Variants in ANO1 observed in about 807,000 individuals in gnomAD.
ANO1 encodes anoctamin-1.
In ANO1, 59 loss-of-function variants were observed where a neutral mutation model predicts 124.0. The observed-to-expected ratio is 0.48, with a 90% CI of 0.39 to 0.59. ANO1 has a LOEUF of 0.59. Among genes scored for constraint, ANO1 ranks in the 20% least tolerant of loss-of-function variants. The probability of loss-of-function intolerance (pLI) is 0.00; values close to 1 mark genes in which losing one functional copy is unlikely to be tolerated. For missense variants in ANO1, 1,059 were observed against 1,328.0 expected (o/e 0.80, Z 3.15); for synonymous variants, 529 against 532.0 (o/e 0.99, Z 0.08).
the ANO1 span, among the ~76,000 whole-genome samples, chr11:69,968,481 G>A: frequency 6.6e-6 from 1 of 152,250 alleles, no homozygotes; most frequent in African/African-American, 2.4e-5. Flanking sequence ...GTGTCGGAGA[G>A]TCAAGACAGA....
intron 1 of ANO1, among the ~76,000 whole-genome samples, chr11:70,038,297 T>C (rs945762205): frequency 1.3e-5 from 2 of 152,190 alleles, no homozygotes; most frequent in South Asian, 2.1e-4. Context: ...CTCTTTCCCC[T>C]TTGCCTATTT....
In ANO1 at chr11:70,126,088, G is replaced by C. The variant is rs760485998; in HGVS notation, c.990G>C (p.Leu330=). Residue 330 remains leucine (L), a synonymous_variant, in exon 10 of 26, where the codon CTG becomes CTC. Transcript: ENST00000355303. ...AGTATTTTGGGGAGAAGATCGGCCT[G>C]TACTTCGCCTGGCTGGGCGTGTACA... ...VRKYFGEKIG[L]YFAWLGVYTQ... is the part of the protein sequence containing the mutation. 6.2e-7 allele frequency: 1 copy of C among 1,612,336 alleles called. No homozygotes were observed. The highest frequency in any genetic ancestry group is 8.5e-7 in the Non-Finnish European group (1 of 1,179,136).
chr11:69,991,529 A>C (rs1159020033), intron 1 of ANO1, among the ~76,000 whole-genome samples: 1 of 152,244 alleles, frequency 6.6e-6, no homozygotes, highest in Non-Finnish European at 1.5e-5. Context: ...TGCCACCTGC[A>C]GTGATGGGCA....
chr11:70,022,561 A>T (rs1176591524), intron 1 of ANO1, among the ~76,000 whole-genome samples: 1 of 151,848 alleles, frequency 6.6e-6, no homozygotes, highest in Non-Finnish European at 1.5e-5. Context: ...AGCCGAGATC[A>T]TGCCACTGTA....
chr11:70,134,604 A>C (rs980353737), intron 11 of ANO1, among the ~76,000 whole-genome samples: 2 of 152,118 alleles, frequency 1.3e-5, no homozygotes, highest in Admixed American at 6.6e-5. Context: ...GAAAACCTAT[A>C]CGAGAGTGTG....
At chr11:70,085,312 C>G in intron 1 of ANO1, 2 of 1,370,728 alleles carry the variant, frequency 1.5e-6, no homozygotes, top group Non-Finnish European at 1.9e-6. Flanking sequence ...AGCCCTCCCC[C>G]ACCCTTCCCC....
Position 70,152,989 on chromosome 11 carries a change from A to G in ANO1, c.1354-68A>G, listed in dbSNP as rs1310506511. 3 of 1,417,278 alleles carry G rather than the reference A, an allele frequency of 2.1e-6. No homozygotes were observed. The African/African-American group carries it at 4.3e-5, about 20-fold the overall frequency. The allele number at this position is 1,417,278 out of a possible 1,614,324, so 87.8% of individuals were successfully genotyped here. On this transcript the variant is annotated intron_variant, in intron 13 of 25. Transcript: ENST00000355303. ...TAATACATGGACTGATTTGCCAAGT[A>G]TGCTCACGCTGAGGAGCTCAGACTC...
At chr11:70,159,341 C>T (rs1239551994) in intron 16 of ANO1, among the ~76,000 whole-genome samples, 2 of 152,164 alleles carry the variant, frequency 1.3e-5, no homozygotes, top group East Asian at 1.9e-4. Context: ...AACTGTTTCA[C>T]GTGGCCACCT....
At chr11:70,159,083 C>T (rs2047942271) in intron 16 of ANO1, among the ~76,000 whole-genome samples, 1 of 152,216 alleles carries the variant, frequency 6.6e-6, no homozygotes, top group African/African-American at 2.4e-5. Flanking sequence ...AGGTGGCCGT[C>T]TAGGGCTGGT....
At chr11:69,999,116 A>G (rs7114804) in intron 1 of ANO1, among the ~76,000 whole-genome samples, 87,454 of 151,530 alleles carry the variant, frequency 0.58, 26,853 homozygotes, top group East Asian at 0.97. Context: ...AAAGAGGTTG[A>G]ATTGGCTCAC....
chr11:70,121,685 C>A (rs2046283077), intron 8 of ANO1, among the ~76,000 whole-genome samples: 1 of 140,978 alleles, frequency 7.1e-6, no homozygotes, highest in African/African-American at 2.7e-5. Flanking sequence ...TCTCCGTCTC[C>A]CCCACCTCTC....
At chr11:70,141,288 A>G (rs991149007) in intron 11 of ANO1, among the ~76,000 whole-genome samples, 14 of 152,132 alleles carry the variant, frequency 9.2e-5, no homozygotes, top group Admixed American at 4.6e-4. Flanking sequence ...GCAGTTCTTC[A>G]CTGCACACCT....
chr11:69,972,497 T>C, the ANO1 span, among the ~76,000 whole-genome samples: 4 of 152,172 alleles, frequency 2.6e-5, no homozygotes, highest in Admixed American at 2.6e-4. Context: ...GCACCTGCTG[T>C]GTACGTATTT....
At chr11:70,125,930 C>T (rs2046493676) in intron 9 of ANO1, 131 bp from the exon 10 acceptor site, 2 of 1,175,928 alleles carry the variant, frequency 1.7e-6, no homozygotes, top group Middle Eastern at 2.2e-4. Flanking sequence ...CAGGACCCCA[C>T]TCTCTGCTTC....
chr11:70,031,788 C>A (rs145372773), intron 1 of ANO1, among the ~76,000 whole-genome samples: 1 of 152,220 alleles, frequency 6.6e-6, no homozygotes, highest in Non-Finnish European at 1.5e-5. Context: ...AGGCCGCCAG[C>A]CGACTCTCAG....
chr11:69,974,719 T>G, the ANO1 span, among the ~76,000 whole-genome samples: 2 of 152,140 alleles, frequency 1.3e-5, no homozygotes, highest in South Asian at 4.2e-4. Flanking sequence ...TTCTACAATT[T>G]ATGGTGCCTG....
At chr11:70,156,866 C>A (rs779433032) in intron 15 of ANO1, 81 bp from the exon 16 acceptor site, 98 of 1,311,680 alleles carry the variant, frequency 7.5e-5, no homozygotes, top group Non-Finnish European at 9.1e-5. Flanking sequence ...CATGCACGCA[C>A]GCACATGCAC....
At chr11:70,126,380 T>C (rs780945675) in intron 10 of ANO1, among the ~76,000 whole-genome samples, 185 bp downstream of exon 10, 4 of 152,106 alleles carry the variant, frequency 2.6e-5, no homozygotes, top group Non-Finnish European at 5.9e-5. Context: ...AGTCTGGGAG[T>C]CCTTCTCAGG....
At chr11:69,977,666 GC>G in the ANO1 span, among the ~76,000 whole-genome samples, 2 of 152,212 alleles carry the variant, frequency 1.3e-5, no homozygotes, top group Non-Finnish European at 2.9e-5. Flanking sequence ...TGCCAGGGTG[GC>G]CTGGGGACAC....
Sources: allele counts gnomAD v4.1 joint callset (sites outside exome capture counted in the v4.1 genomes callset), GRCh38; gene constraint gnomAD v4.1.1; transcripts MANE v1.5; gene names NCBI Gene and HGNC (gene_info 2026-07-23, HGNC 2026-07-21).